HTR1F: variants seen among roughly 807,000 people sequenced by gnomAD.
HTR1F encodes the protein 5-hydroxytryptamine (serotonin) receptor 1F, G protein-coupled.
A neutral mutation model predicts 24.0 loss-of-function variants in HTR1F; 17 were observed. The observed-to-expected ratio is 0.71, with a 90% CI of 0.48 to 1.06. The LOEUF (loss-of-function observed/expected upper bound fraction) is 1.06. HTR1F is among the 50% of genes least tolerant of loss of function. The pLI is 0.00. For missense variants in HTR1F, 391 were observed against 427.8 expected, an observed-to-expected ratio of 0.91 and a Z score of 0.76; for synonymous variants, 186 against 156.8, an observed-to-expected ratio of 1.19 and a Z score of -1.39.
chr3:87,871,513 T>G (rs1019659542), intron 2 of HTR1F, among the ~76,000 whole-genome samples: 1 of 152,042 alleles, frequency 6.6e-6, no homozygotes, highest in African/African-American at 2.4e-5. Context: ...ATATCTGACA[T>G]CTTTCCAAAT....
intron 1 of HTR1F, among the ~76,000 whole-genome samples, chr3:87,819,800 T>G (rs1704319931): frequency 6.6e-6 from 1 of 151,978 alleles, no homozygotes; most frequent in African/African-American, 2.4e-5. Flanking sequence ...TATTATAAAT[T>G]TCCCAAAATG....
intron 2 of HTR1F, among the ~76,000 whole-genome samples, chr3:87,975,357 C>T (rs1705372333): frequency 6.6e-6 from 1 of 151,996 alleles, no homozygotes. Flanking sequence ...CTAAAAAAAT[C>T]TTGGAGAATT....
chr3:87,911,581 G>A (rs1243868163), intron 2 of HTR1F, among the ~76,000 whole-genome samples: 9 of 151,924 alleles, frequency 5.9e-5, no homozygotes, highest in African/African-American at 1.9e-4. Flanking sequence ...AGGGATATGA[G>A]GCCAGCATTA....
intron 2 of HTR1F, among the ~76,000 whole-genome samples, chr3:87,971,309 T>G (rs1038604578): frequency 4.6e-5 from 7 of 152,186 alleles, no homozygotes; most frequent in African/African-American, 1.7e-4. Context: ...GACTCACACC[T>G]GTAATCCTAG....
intron 2 of HTR1F, among the ~76,000 whole-genome samples, chr3:87,944,443 A>T (rs1704646594): frequency 6.6e-6 from 1 of 150,926 alleles, no homozygotes; most frequent in African/African-American, 2.4e-5. Context: ...CTTCCACAAG[A>T]GTCTCCTATC....
At chr3:87,944,991 G>A (rs1272668517) in intron 2 of HTR1F, among the ~76,000 whole-genome samples, 2 of 152,066 alleles carry the variant, frequency 1.3e-5, no homozygotes, top group Admixed American at 6.6e-5. Context: ...AGTTTACCCT[G>A]GCTTTTAAAG....
intron 2 of HTR1F, among the ~76,000 whole-genome samples, chr3:87,859,066 AGAT>A (rs1705260997): frequency 6.6e-6 from 1 of 152,130 alleles, no homozygotes; most frequent in Admixed American, 6.5e-5. Flanking sequence ...ACTTGGTGGT[AGAT>A]GCCTGTAATC....
At chr3:87,919,087 G>A (rs185212778) in intron 2 of HTR1F, among the ~76,000 whole-genome samples, 1 of 152,106 alleles carries the variant, frequency 6.6e-6, no homozygotes, top group Admixed American at 6.6e-5. Context: ...ACAGCCAACT[G>A]ATCTTTGACA....
intron 2 of HTR1F, among the ~76,000 whole-genome samples, chr3:87,958,151 A>G (rs1274034737): frequency 6.6e-6 from 1 of 151,588 alleles, no homozygotes; most frequent in Non-Finnish European, 1.5e-5. Flanking sequence ...ATTTAGATGT[A>G]TGCTGTTCAA....
At chr3:87,933,334 G>T (rs1436808490) in intron 2 of HTR1F, among the ~76,000 whole-genome samples, 1 of 151,238 alleles carries the variant, frequency 6.6e-6, no homozygotes, top group Non-Finnish European at 1.5e-5. Context: ...ATTCAACATA[G>T]TGTTGGAAGT....
intron 2 of HTR1F, among the ~76,000 whole-genome samples, chr3:87,822,540 GTTTTC>G (rs988524023): frequency 1.5e-4 from 23 of 152,170 alleles, no homozygotes; most frequent in African/African-American, 5.1e-4. Context: ...AAAATTTAAT[GTTTTC>G]TTTTATATAA....
chr3:87,848,359 T>G lies in HTR1F; in HGVS notation c.-43+26235T>G, dbSNP rs908110030. Among the ~76,000 whole-genome samples, 13 of 151,932 alleles carry G rather than the reference T, an allele frequency of 8.6e-5. 1 individual carries two copies. The highest frequency in any genetic ancestry group is 3.1e-4 in the African/African-American group (13 of 41,294). On this transcript the variant is annotated intron_variant, in intron 2 of 2. Coordinates refer to ENST00000319595, the MANE Select transcript of HTR1F (RefSeq NM_001322209.2). Reference sequence around the variant, plus strand: ...TGTCTTTTGCCCTTTTGCCCATTTTTTAGTGGGATTTTTTTTCTGTTGAGT... The same window carrying G: ...TGTCTTTTGCCCTTTTGCCCATTTTGTAGTGGGATTTTTTTTCTGTTGAGT...
chr3:87,991,033 T>C lies in HTR1F; in HGVS notation c.284T>C (p.Val95Ala), dbSNP rs951365319. 6 of 1,613,980 alleles carry C rather than the reference T, an allele frequency of 3.7e-6. No homozygotes were observed. The African/African-American group carries it at 6.7e-5, about 18-fold the overall frequency. The change falls in exon 3 of 3, where the codon GTC becomes GCC. Residue 95 changes from valine (V) to alanine (A), a missense_variant. Coordinates refer to ENST00000319595, the MANE Select transcript of HTR1F (RefSeq NM_001322209.2). ...GAGAGCTGGATTATGGGGCAAGTGG[T>C]CTGTGACATTTGGCTGAGTGTTGAC... ...VRESWIMGQV[V>A]CDIWLSVDIT...
chr3:87,851,379 A>AT (rs917616716), intron 2 of HTR1F, among the ~76,000 whole-genome samples: 4 of 151,306 alleles, frequency 2.6e-5, no homozygotes, highest in South Asian at 2.1e-4. Flanking sequence ...TTTAACTACT[A>AT]TTTTTTTAAA....
intron 2 of HTR1F, among the ~76,000 whole-genome samples, chr3:87,874,169 C>G (rs1221556130): frequency 3.3e-5 from 5 of 151,704 alleles, no homozygotes; most frequent in Admixed American, 6.6e-5. Flanking sequence ...ACCAAATTGG[C>G]AAAAATAAAT....
chr3:87,843,684 CA>C (rs1559602253), intron 2 of HTR1F, among the ~76,000 whole-genome samples: 2 of 135,550 alleles, frequency 1.5e-5, no homozygotes, highest in Non-Finnish European at 3.0e-5. Flanking sequence ...CCCCCTCCCC[CA>C]CCCCACAACA....
At chr3:87,870,873 A>T (rs1705539056) in intron 2 of HTR1F, among the ~76,000 whole-genome samples, 1 of 152,052 alleles carries the variant, frequency 6.6e-6, no homozygotes, top group Admixed American at 6.6e-5. Flanking sequence ...GCCCCCAAAA[A>T]GTTTGAAAGG....
intron 2 of HTR1F, among the ~76,000 whole-genome samples, chr3:87,844,057 T>C (rs1296284448): frequency 6.7e-6 from 1 of 149,006 alleles, no homozygotes; most frequent in Non-Finnish European, 1.5e-5. Context: ...ATGGGATGGC[T>C]GGGTCAAATG....
At chr3:87,835,474 T>C (rs1434987429) in intron 2 of HTR1F, among the ~76,000 whole-genome samples, 1 of 152,216 alleles carries the variant, frequency 6.6e-6, no homozygotes, top group Non-Finnish European at 1.5e-5. Context: ...TGAAATATGA[T>C]GCCGTCACAA....
Sources: allele counts gnomAD v4.1 joint callset (sites outside exome capture counted in the v4.1 genomes callset), GRCh38; gene constraint gnomAD v4.1.1; transcripts MANE v1.5; gene names NCBI Gene and HGNC (gene_info 2026-07-23, HGNC 2026-07-21).